CPB2: variants seen among roughly 807,000 people sequenced by gnomAD.
The protein encoded by CPB2 is carboxypeptidase B-like protein.
CPB2 carries 54 observed loss-of-function variants against 57.0 expected under a neutral mutation model. The ratio of observed to expected loss-of-function variants is 0.95; its 90% CI spans 0.76 to 1.19. The LOEUF (loss-of-function observed/expected upper bound fraction) is 1.19, where lower values mean the gene tolerates loss of function less well. CPB2 is among the 50% of genes most tolerant of loss of function. The pLI, the probability that CPB2 is intolerant of heterozygous loss-of-function variation, is 0.00. For missense variants in CPB2, 426 were observed against 512.0 expected (o/e 0.83, Z 1.62); for synonymous variants, 189 against 178.1 (o/e 1.06, Z -0.49).
chr13:46,096,571 AG>A (rs1333619869), intron 1 of CPB2: 1 of 152,088 alleles, frequency 6.6e-6, no homozygotes, highest in Non-Finnish European at 1.5e-5. Context: ...TGAGGTCAGG[AG>A]TTCGAGACGA....
chr13:46,071,738 CCT>C (rs1244322850), intron 6 of CPB2, among the ~76,000 whole-genome samples: 2 of 152,124 alleles, frequency 1.3e-5, no homozygotes, highest in Admixed American at 1.3e-4. Flanking sequence ...CTCCACCAGG[CCT>C]CTCAGCACAT....
At chr13:46,093,195 G>A (rs1295823537) in intron 1 of CPB2, among the ~76,000 whole-genome samples, 1 of 152,192 alleles carries the variant, frequency 6.6e-6, no homozygotes, top group Non-Finnish European at 1.5e-5. Context: ...TTACAGGCGT[G>A]AGCCACCGCG....
chr13:46,083,594 AG>A (rs756448424), intron 3 of CPB2, among the ~76,000 whole-genome samples: 19 of 152,218 alleles, frequency 1.2e-4, no homozygotes, highest in Non-Finnish European at 2.5e-4. Flanking sequence ...GAAGAAGGCT[AG>A]ACTGTGAGCA....
chr13:46,104,234 C>T (rs1485203838), intron 1 of CPB2, among the ~76,000 whole-genome samples: 1 of 151,850 alleles, frequency 6.6e-6, no homozygotes, highest in Non-Finnish European at 1.5e-5. Context: ...GATCATAGAA[C>T]CAAAACAAAG....
chr13:46,099,702 C>G (rs535292907), intron 1 of CPB2: 1 of 152,200 alleles, frequency 6.6e-6, no homozygotes, highest in East Asian at 1.9e-4. Flanking sequence ...TTAATCCTCA[C>G]AAGGCAGTAT....
chr13:46,104,493 C>G (rs1019568136), intron 1 of CPB2, among the ~76,000 whole-genome samples: 1 of 152,184 alleles, frequency 6.6e-6, no homozygotes, highest in Non-Finnish European at 1.5e-5. Flanking sequence ...GCTAAATAAT[C>G]ATGCATGATC....
chr13:46,079,333 A>G (rs924464788), intron 4 of CPB2, among the ~76,000 whole-genome samples: 2 of 152,166 alleles, frequency 1.3e-5, no homozygotes, highest in African/African-American at 4.8e-5. Context: ...GGATAAATGG[A>G]AGCATCATTG....
chr13:46,090,008 A>G (rs796796284), intron 1 of CPB2, among the ~76,000 whole-genome samples: 2 of 152,224 alleles, frequency 1.3e-5, no homozygotes, highest in South Asian at 4.1e-4. Context: ...TGCTAATATA[A>G]TGTGCTCTAT....
Position 46,078,876 on chromosome 13 carries a change from G to T in CPB2, c.410C>A (p.Thr137Asn), listed in dbSNP as rs778235571. The T allele has an allele frequency of 9.3e-6, 15 of 1,610,378 alleles. No homozygotes were observed. The South Asian group carries it at 1.6e-4, about 18-fold the overall frequency. ...TGTAAGCATATCAGGATGCCTCTCA[G>T]TTATAAATTCTATCCAAGAATAGAT... Reference protein sequence around the residue: ...NEIYSWIEFITERHPDMLTKI... With the variant: ...NEIYSWIEFINERHPDMLTKI... The change falls in exon 5 of 11, where the codon ACT becomes AAT. Residue 137 changes from threonine to asparagine, a missense_variant. By Grantham distance (65) the Thr-to-Asn change is moderately conservative. Transcript: ENST00000181383.
At chr13:46,081,165 C>T (rs1404729634) in intron 4 of CPB2, among the ~76,000 whole-genome samples, 2 of 152,114 alleles carry the variant, frequency 1.3e-5, no homozygotes. Flanking sequence ...TTTATTACCA[C>T]AGCCCTAGAA....
Position 46,073,387 on chromosome 13 carries a change from AC to A in CPB2, c.591+485del, listed in dbSNP as rs1427055830. The A allele has an allele frequency of 1.1e-4, 72 of 681,878 alleles. No homozygotes were observed. In the South Asian group the frequency reaches 3.9e-3, roughly 37 times the overall value. The allele number at this position is 681,878 out of a possible 1,614,324, so 42.2% of individuals were successfully genotyped here. On this transcript the variant is annotated intron_variant, in intron 6 of 10. Coordinates refer to ENST00000181383, the MANE Select transcript of CPB2 (RefSeq NM_001872.5). Reference sequence around the variant, plus strand: ...TTATATATGGCTTTTTTGATGCAAAACCCTTCTTCAGGAACAAAATTCCCTA... The same window carrying A: ...TTATATATGGCTTTTTTGATGCAAAACCTTCTTCAGGAACAAAATTCCCTA...
chr13:46,056,333 A>G (rs1279076880), intron 9 of CPB2, among the ~76,000 whole-genome samples: 1 of 152,178 alleles, frequency 6.6e-6, no homozygotes, highest in Admixed American at 6.5e-5. Context: ...AATGACTTCC[A>G]TAGATTCATC....
chr13:46,077,529 A>C (rs902518309), intron 5 of CPB2, among the ~76,000 whole-genome samples: 4 of 152,166 alleles, frequency 2.6e-5, no homozygotes, highest in Admixed American at 1.3e-4. Context: ...TTCCTCAAAA[A>C]ACTAAAAATG....
chr13:46,103,679 G>T (rs950067619), intron 1 of CPB2, among the ~76,000 whole-genome samples: 5 of 152,280 alleles, frequency 3.3e-5, no homozygotes, highest in Non-Finnish European at 7.4e-5. Context: ...ATAAGCAGAG[G>T]TTTCCTCCCT....
chr13:46,087,940 G>A (rs1430544487), intron 1 of CPB2, 120 bp from the exon 2 acceptor site: 1 of 632,450 alleles, frequency 1.6e-6, no homozygotes, highest in Middle Eastern at 4.3e-4. Flanking sequence ...ATGTTATTAG[G>A]ACAGAGGATC....
chr13:46,063,299 T>C (rs1359230110), intron 8 of CPB2, among the ~76,000 whole-genome samples: 2 of 152,186 alleles, frequency 1.3e-5, no homozygotes, highest in Non-Finnish European at 2.9e-5. Flanking sequence ...TAGGTACTTT[T>C]TCAACTCTTT....
chr13:46,079,767 GA>G (rs2045083690), intron 4 of CPB2, among the ~76,000 whole-genome samples: 1 of 152,106 alleles, frequency 6.6e-6, no homozygotes, highest in African/African-American at 2.4e-5. Context: ...TTCTAGAGGT[GA>G]TTTCAAATAG....
intron 1 of CPB2, among the ~76,000 whole-genome samples, chr13:46,104,355 T>C (rs2045469438): frequency 6.6e-6 from 1 of 152,266 alleles, no homozygotes; most frequent in Admixed American, 6.5e-5. Flanking sequence ...TCTCCATGCA[T>C]TGCATGTGCT....
At chr13:46,055,936 A>T in intron 9 of CPB2, 87 bp from the exon 10 acceptor site, 1 of 733,582 alleles carries the variant, frequency 1.4e-6, no homozygotes, top group Non-Finnish European at 2.2e-6. Context: ...TCATACATTA[A>T]TTGAATCAAA....
Sources: gnomAD v4.1 joint callset for allele counts (sites outside exome capture counted in the v4.1 genomes callset) on GRCh38, gnomAD v4.1.1 for gene constraint, MANE v1.5 for transcripts, NCBI Gene and HGNC (gene_info 2026-07-23, HGNC 2026-07-21) for gene names.